Variants in EPHA7 observed in about 807,000 individuals in gnomAD.
EPHA7 encodes the protein ephrin type-A receptor 7.
In EPHA7, 25 loss-of-function variants were observed where a neutral mutation model predicts 112.6. The observed-to-expected ratio is 0.22, with a 90% confidence interval of 0.16 to 0.31. The LOEUF (loss-of-function observed/expected upper bound fraction) is 0.31, where lower values mean the gene tolerates loss of function less well. EPHA7 is among the 10% of genes least tolerant of loss of function. The pLI, the probability that EPHA7 is intolerant of heterozygous loss-of-function variation, is 1.00. For missense variants in EPHA7, 962 were observed against 1,212.6 expected (o/e 0.79, Z 3.07); for synonymous variants, 437 against 406.5 (o/e 1.07, Z -0.90).
At chr6:93,284,331 T>C (rs371138077) in intron 5 of EPHA7, among the ~76,000 whole-genome samples, 43 of 151,242 alleles carry the variant, frequency 2.8e-4, no homozygotes, top group South Asian at 1.0e-3. Flanking sequence ...TTTTTTTTTT[T>C]CAAAATCATC....
At chr6:93,341,482 T>C (rs1238499119) in intron 5 of EPHA7, among the ~76,000 whole-genome samples, 1 of 151,624 alleles carries the variant, frequency 6.6e-6, no homozygotes, top group Non-Finnish European at 1.5e-5. Context: ...ATTATGAAAA[T>C]CAAAAGATAG....
chr6:93,283,908 A>C (rs1281551553), intron 5 of EPHA7, among the ~76,000 whole-genome samples: 2 of 152,210 alleles, frequency 1.3e-5, no homozygotes, highest in East Asian at 3.8e-4. Context: ...AATTACTATA[A>C]ATACAATTTA....
At chr6:93,299,497 G>C (rs375944871) in intron 5 of EPHA7, among the ~76,000 whole-genome samples, 1 of 152,078 alleles carries the variant, frequency 6.6e-6, no homozygotes, top group African/African-American at 2.4e-5. Flanking sequence ...ATGCTGGCAA[G>C]GTTGCAGAAA....
At chr6:93,378,414 T>A (rs1777166796) in intron 3 of EPHA7, among the ~76,000 whole-genome samples, 1 of 152,114 alleles carries the variant, frequency 6.6e-6, no homozygotes, top group Non-Finnish European at 1.5e-5. Context: ...AGGGCTTCGG[T>A]GGTAATGCAA....
intron 5 of EPHA7, among the ~76,000 whole-genome samples, chr6:93,303,091 G>A (rs1340250740): frequency 1.3e-5 from 2 of 152,134 alleles, no homozygotes; most frequent in Non-Finnish European, 2.9e-5. Flanking sequence ...GCCTCACACT[G>A]AGCACATGAA....
intron 3 of EPHA7, among the ~76,000 whole-genome samples, chr6:93,362,909 C>T (rs1476895081): frequency 6.6e-6 from 1 of 152,058 alleles, no homozygotes; most frequent in Non-Finnish European, 1.5e-5. Flanking sequence ...TAAGGATCCC[C>T]CTTCCGACAA....
chr6:93,248,832 A>T (rs1582386699), intron 14 of EPHA7, among the ~76,000 whole-genome samples: 1 of 152,222 alleles, frequency 6.6e-6, no homozygotes, highest in South Asian at 2.1e-4. Flanking sequence ...ATCCTCTTAT[A>T]TACACAATTA....
intron 5 of EPHA7, among the ~76,000 whole-genome samples, chr6:93,339,821 A>G (rs531161703): frequency 7.0e-6 from 1 of 143,730 alleles, no homozygotes; most frequent in Admixed American, 7.1e-5. Flanking sequence ...CAAAAGTAAA[A>G]TAACTTTGGG....
intron 5 of EPHA7, among the ~76,000 whole-genome samples, chr6:93,297,000 T>C (rs1263220878): frequency 1.3e-5 from 2 of 151,958 alleles, no homozygotes; most frequent in African/African-American, 2.4e-5. Flanking sequence ...GCTATGTTAA[T>C]TTGCTTCACT....
rs1358240529 is a variant in EPHA7 at position 93,242,326 on chromosome 6, T to C, written c.*1100A>G. On this transcript the variant is annotated 3_prime_UTR_variant, in exon 17 of 17. Coordinates refer to ENST00000369303, the MANE Select transcript of EPHA7 (RefSeq NM_004440.4). The stretch of plus-strand genomic sequence containing the variant: ...CAAATTTGTGTTTAAATGGTGAAAA[T>C]TGTGAACTGCCCCTTTATCATGCTT... The C allele has an allele frequency of 9.9e-6, 2 of 201,660 alleles. No individual in the cohort carries two copies. Among genetic ancestry groups the C allele is most frequent in the Non-Finnish European group, 2.0e-5 (2 of 97,708 alleles). 12.5% of individuals were successfully genotyped at this position (201,660 alleles called of 1,614,324 possible).
At chr6:93,286,958 G>C (rs1057032552) in intron 5 of EPHA7, among the ~76,000 whole-genome samples, 2 of 151,992 alleles carry the variant, frequency 1.3e-5, no homozygotes, top group Non-Finnish European at 2.9e-5. Flanking sequence ...CTTTTTAAAA[G>C]ACTTTCAATA....
chr6:93,344,511 T>C (rs1306909955), intron 5 of EPHA7, among the ~76,000 whole-genome samples: 1 of 151,720 alleles, frequency 6.6e-6, no homozygotes, highest in African/African-American at 2.4e-5. Context: ...AAATGTTGTA[T>C]GAAATCAGCA....
intron 3 of EPHA7, among the ~76,000 whole-genome samples, chr6:93,359,182 G>C (rs1446142176): frequency 6.6e-6 from 1 of 152,088 alleles, no homozygotes; most frequent in Admixed American, 6.6e-5. Flanking sequence ...TCTCAGCAAC[G>C]AACAGAGATG....
intron 5 of EPHA7, among the ~76,000 whole-genome samples, chr6:93,297,730 T>C (rs1339665518): frequency 6.6e-6 from 1 of 152,108 alleles, no homozygotes; most frequent in African/African-American, 2.4e-5. Flanking sequence ...AGCTATTTAC[T>C]AAAAACAGGA....
chr6:93,387,116 A>T (rs1026369373), intron 3 of EPHA7, among the ~76,000 whole-genome samples: 2 of 151,904 alleles, frequency 1.3e-5, no homozygotes, highest in African/African-American at 4.8e-5. Flanking sequence ...TTTCTTTTCT[A>T]CCACATCACT....
intron 5 of EPHA7, among the ~76,000 whole-genome samples, chr6:93,311,887 A>G (rs1252888485): frequency 1.3e-5 from 2 of 152,170 alleles, no homozygotes; most frequent in Non-Finnish European, 2.9e-5. Context: ...AATAATATTA[A>G]TCTCCTGTAT....
chr6:93,401,152 A>T lies in EPHA7; in HGVS notation c.832+9349T>A, dbSNP rs549750101. ...GTATGTGTCCTTTCAAAGCCCCCTG[A>T]TTTTCTAATACATTAGGAGCAAGAG... On this transcript the variant is annotated intron_variant, in intron 3 of 16. Coordinates refer to ENST00000369303, the MANE Select transcript of EPHA7 (RefSeq NM_004440.4). 5.9e-5 allele frequency among the ~76,000 whole-genome samples: 9 copies of T among 152,176 alleles called. No homozygotes were observed. In the East Asian group the frequency reaches 9.7e-4, roughly 16 times the overall value.
intron 5 of EPHA7, among the ~76,000 whole-genome samples, chr6:93,308,555 A>G (rs1381791698): frequency 6.6e-6 from 1 of 152,166 alleles, no homozygotes; most frequent in African/African-American, 2.4e-5. Flanking sequence ...CAGAAAGGAA[A>G]CAACATCTTA....
At chr6:93,318,499 G>T (rs1413988828) in intron 5 of EPHA7, among the ~76,000 whole-genome samples, 1 of 151,906 alleles carries the variant, frequency 6.6e-6, no homozygotes, top group Non-Finnish European at 1.5e-5. Flanking sequence ...AATAAATTAT[G>T]CATTTTAACA....
Sources: allele counts gnomAD v4.1 joint callset (sites outside exome capture counted in the v4.1 genomes callset), GRCh38; gene constraint gnomAD v4.1.1; transcripts MANE v1.5; gene names NCBI Gene and HGNC (gene_info 2026-07-23, HGNC 2026-07-21).